The following FHOD3 variants were observed in gnomAD, a reference collection of about 807,000 sequenced individuals.
FHOD3 encodes the protein FH1/FH2 domain-containing protein 3.
FHOD3 carries 90 observed loss-of-function variants against 173.0 expected under a neutral mutation model. That is an observed-to-expected ratio of 0.52 (90% CI 0.44 to 0.62). The LOEUF is 0.62. Ranked by LOEUF, FHOD3 falls within the 20% of genes least tolerant of loss-of-function variation. The pLI is 0.00. For synonymous variants in FHOD3, 828 were observed against 823.0 expected (o/e 1.01, Z -0.10); for missense variants, 1,945 against 2,034.7 (o/e 0.96, Z 0.85).
At chr18:36,340,899 A>G (rs2045580105) in intron 1 of FHOD3, among the ~76,000 whole-genome samples, 1 of 151,732 alleles carries the variant, frequency 6.6e-6, no homozygotes. Context: ...GGTCTCCCAA[A>G]GTGCTGGGAT....
chr18:36,317,174 C>T (rs1247876755), intron 1 of FHOD3, among the ~76,000 whole-genome samples: 1 of 152,152 alleles, frequency 6.6e-6, no homozygotes, highest in Non-Finnish European at 1.5e-5. Context: ...AATAGTGCCA[C>T]AATAAACATA....
At chr18:36,742,898 A>C in intron 22 of FHOD3, 42 bp downstream of exon 22, 1 of 1,588,464 alleles carries the variant, frequency 6.3e-7, no homozygotes, top group Non-Finnish European at 8.6e-7. Flanking sequence ...CCCCCTTGTC[A>C]CAAAATCCCT....
chr18:36,597,620 C>A (rs1317697959), intron 7 of FHOD3, among the ~76,000 whole-genome samples: 1 of 152,000 alleles, frequency 6.6e-6, no homozygotes, highest in Non-Finnish European at 1.5e-5. Flanking sequence ...TAGAGATGGG[C>A]TTTCACCGTT....
intron 3 of FHOD3, among the ~76,000 whole-genome samples, chr18:36,421,725 G>T (rs967447301): frequency 1.1e-4 from 16 of 152,196 alleles, no homozygotes; most frequent in African/African-American, 3.9e-4. Context: ...TGGAAATCCA[G>T]CTGGGACTGC....
At chr18:36,306,085 C>T (rs1321521942) in intron 1 of FHOD3, among the ~76,000 whole-genome samples, 1 of 152,154 alleles carries the variant, frequency 6.6e-6, no homozygotes, top group African/African-American at 2.4e-5. Flanking sequence ...CCCTTCTGAA[C>T]AATAAGGAGG....
chr18:36,754,607 A>G (rs556654536), intron 24 of FHOD3, among the ~76,000 whole-genome samples: 3 of 152,266 alleles, frequency 2.0e-5, no homozygotes, highest in African/African-American at 7.2e-5. Context: ...GAAGCTATGA[A>G]TTAACATGTT....
Position 36,625,556 on chromosome 18 carries a change from C to A in FHOD3, c.1003C>A (p.Pro335Thr). The change falls in exon 10 of 29, where the codon CCC becomes ACC. Residue 335 changes from proline to threonine, a missense_variant. By Grantham distance (38) the Pro-to-Thr change is conservative (BLOSUM62 -1). Around this residue, in one of 5 missense-constraint regions of FHOD3, gnomAD observed 1,099 missense variants for 1,051.2 expected, o/e 1.05. Transcript: ENST00000590592. ...TGGCGATGAGACCACGGAGCCACCC[C>A]CCAGTGGGTGCCGGGACCGGAGGAG... ...EDGDETTEPP[P>T]SGCRDRRRAS... is the part of the protein sequence containing the mutation. The A allele has an allele frequency of 6.6e-7, 1 of 1,512,912 alleles. No homozygotes were observed. The highest frequency in any genetic ancestry group is 8.9e-7 in the Non-Finnish European group (1 of 1,119,868). 93.7% of individuals were successfully genotyped at this position (1,512,912 alleles called of 1,614,324 possible).
At chr18:36,486,156 C>A (rs531264615) in intron 3 of FHOD3, among the ~76,000 whole-genome samples, 98 of 152,272 alleles carry the variant, frequency 6.4e-4, no homozygotes, top group African/African-American at 2.3e-3. Context: ...CACTAAATGG[C>A]TGCCGAGTGC....
At chr18:36,359,363 G>T (rs2046503010) in intron 2 of FHOD3, among the ~76,000 whole-genome samples, 1 of 152,210 alleles carries the variant, frequency 6.6e-6, no homozygotes, top group Non-Finnish European at 1.5e-5. Flanking sequence ...AGAGGAGAAA[G>T]ACCTTCAAAA....
chr18:36,613,239 C>T (rs2032871791), intron 9 of FHOD3, among the ~76,000 whole-genome samples: 1 of 152,230 alleles, frequency 6.6e-6, no homozygotes, highest in African/African-American at 2.4e-5. Flanking sequence ...GAATGGCAGA[C>T]ATGCATGTTG....
chr18:36,427,286 T>TAAA lies in FHOD3; in HGVS notation c.337+54567_337+54569dup, dbSNP rs35854743. Among the ~76,000 whole-genome samples the TAAA allele has an allele frequency of 2.3e-3, 185 of 79,480 alleles. 7 individuals are homozygous for TAAA. Among genetic ancestry groups the TAAA allele is most frequent in the African/African-American group, 6.9e-3 (151 of 21,946 alleles). The allele number at this position is 79,480 out of a possible 152,430, so 52.1% of individuals were successfully genotyped here. ...AAAACTAGAACTGATCTTGCTTCTC[T>TAAA]AAAAAAAAAAAAAAAAAAAAAAAAA... is the stretch of plus-strand genomic sequence containing the variant. On this transcript the variant is annotated intron_variant, in intron 3 of 28. Coordinates refer to ENST00000590592, the MANE Select transcript of FHOD3 (RefSeq NM_001281740.3).
chr18:36,397,322 C>A (rs1051027502), intron 3 of FHOD3, among the ~76,000 whole-genome samples: 1 of 152,222 alleles, frequency 6.6e-6, no homozygotes, highest in Non-Finnish European at 1.5e-5. Flanking sequence ...TAATAGCATG[C>A]ATATCTCAGG....
At chr18:36,331,467 GTTC>G (rs1568131967) in intron 1 of FHOD3, among the ~76,000 whole-genome samples, 4 of 152,254 alleles carry the variant, frequency 2.6e-5, no homozygotes, top group African/African-American at 2.4e-5. Flanking sequence ...ATTAGGGGCA[GTTC>G]TTCTGCTACA....
intron 3 of FHOD3, among the ~76,000 whole-genome samples, chr18:36,402,396 T>A (rs1264428600): frequency 6.6e-6 from 1 of 152,120 alleles, no homozygotes; most frequent in Non-Finnish European, 1.5e-5. Context: ...TCTGGGATAT[T>A]TTCTCATATA....
chr18:36,693,269 T>C lies in FHOD3; in HGVS notation c.2082T>C (p.Ser694=). 6.2e-7 allele frequency: 1 copy of C among 1,613,686 alleles called. No individual in the cohort carries two copies. The highest frequency in any genetic ancestry group is 8.5e-7 in the Non-Finnish European group (1 of 1,179,836). Residue 694 remains serine (S), a synonymous_variant, in exon 17 of 29, where the codon AGT becomes AGC. Transcript: ENST00000590592. ...EEHEKELRSR[S]VSRGRADLSL... ...ACGAGAAGGAGCTGAGAAGCCGGAG[T>C]GTGAGCCGGGGCAGAGCCGACCTCT...
chr18:36,460,900 A>T (rs2052509509), intron 3 of FHOD3, among the ~76,000 whole-genome samples: 1 of 152,192 alleles, frequency 6.6e-6, no homozygotes, highest in Non-Finnish European at 1.5e-5. Flanking sequence ...TCACCTGCTG[A>T]AAGTGAGGTC....
At chr18:36,313,268 C>T (rs2144735524) in intron 1 of FHOD3, among the ~76,000 whole-genome samples, 1 of 152,212 alleles carries the variant, frequency 6.6e-6, no homozygotes, top group East Asian at 1.9e-4. Context: ...GGAAGAATTG[C>T]CAAAGAATTT....
rs566926430 is a variant in FHOD3 at position 36,563,835 on chromosome 18, C to T, written c.512-12616C>T. Among the ~76,000 whole-genome samples, 8 of 152,222 alleles carry T rather than the reference C, an allele frequency of 5.3e-5. No homozygotes were observed. The East Asian group carries it at 1.5e-3, about 29-fold the overall frequency. ...TCTTGTCAGCCTCTCCATGAATCCT[C>T]CTCTAATTACTCAGGCTCATATCAG... is the stretch of plus-strand genomic sequence containing the variant. On this transcript the variant is annotated intron_variant, in intron 5 of 28. Transcript: ENST00000590592.
At chr18:36,524,687 C>A (rs1354809182) in intron 5 of FHOD3, among the ~76,000 whole-genome samples, 1 of 152,174 alleles carries the variant, frequency 6.6e-6, no homozygotes, top group Admixed American at 6.5e-5. Context: ...GTCTTTCTAT[C>A]TGTCTTTTCC....
Sources: allele counts gnomAD v4.1 joint callset (sites outside exome capture counted in the v4.1 genomes callset), GRCh38; gene constraint gnomAD v4.1.1; regional missense constraint gnomAD v4.1.1; transcripts MANE v1.5; gene names NCBI Gene and HGNC (gene_info 2026-07-23, HGNC 2026-07-21).